Variants in HDAC9 observed in about 807,000 individuals in gnomAD.
HDAC9 encodes MEF-2 interacting transcription repressor (MITR) protein.
In HDAC9, 41 loss-of-function variants were observed where a neutral mutation model predicts 139.4. The ratio of observed to expected loss-of-function variants is 0.29; its 90% CI spans 0.23 to 0.38. The LOEUF (loss-of-function observed/expected upper bound fraction) is 0.38, where lower values mean the gene tolerates loss of function less well. Among genes scored for constraint, HDAC9 ranks in the 10% least tolerant of loss-of-function variants. The pLI is 1.00. For synonymous variants in HDAC9, 517 were observed against 476.2 expected (o/e 1.09, Z -1.12); for missense variants, 1,147 against 1,297.0 (o/e 0.88, Z 1.78).
chr7:18,313,516 T>C (rs757173748), intron 1 of HDAC9, among the ~76,000 whole-genome samples: 5 of 152,220 alleles, frequency 3.3e-5, no homozygotes, highest in Non-Finnish European at 7.4e-5. Flanking sequence ...TTAGTAAAGA[T>C]GTGGAACACA....
intron 1 of HDAC9, among the ~76,000 whole-genome samples, chr7:18,297,760 A>G (rs1693797412): frequency 6.6e-6 from 1 of 152,202 alleles, no homozygotes; most frequent in African/African-American, 2.4e-5. Flanking sequence ...TAAAAATGTG[A>G]CATCAACAAA....
At position 18,234,658 on chromosome 7, in the gene HDAC9, G is replaced by T. The variant is rs74479573; in HGVS notation, c.25+72309G>T. Among the ~76,000 whole-genome samples, 961 of 152,316 alleles carry T rather than the reference G, an allele frequency of 6.3e-3. 15 individuals carry two copies. The highest frequency in any genetic ancestry group is 0.022 in the African/African-American group (934 of 41,576). ...CCAAGTCTGTGTACTCCAGAGCCTG[G>T]CTCTTAACCAGCATGTCCTATTGTT... is the stretch of plus-strand genomic sequence containing the variant. On this transcript the variant is annotated intron_variant, in intron 2 of 12. Coordinates refer to the HDAC9 transcript ENST00000417496.
At chr7:18,803,919 C>A (rs1312881952) in intron 17 of HDAC9, among the ~76,000 whole-genome samples, 1 of 152,254 alleles carries the variant, frequency 6.6e-6, no homozygotes, top group Middle Eastern at 3.4e-3. Flanking sequence ...AAACATGTTT[C>A]AAGTACCTAT....
At chr7:18,158,784 C>T (rs1411616265) in intron 1 of HDAC9, among the ~76,000 whole-genome samples, 2 of 152,198 alleles carry the variant, frequency 1.3e-5, no homozygotes, top group African/African-American at 2.4e-5. Context: ...AAGACCACTA[C>T]GTATGATGTT....
At chr7:18,979,376 G>T (rs539834802) in intron 25 of HDAC9, among the ~76,000 whole-genome samples, 1 of 152,138 alleles carries the variant, frequency 6.6e-6, no homozygotes, top group South Asian at 2.1e-4. Flanking sequence ...TTAGAAACAT[G>T]ATTTTCCTCA....
At chr7:18,443,141 A>T (rs1791946542) in intron 1 of HDAC9, among the ~76,000 whole-genome samples, 1 of 152,214 alleles carries the variant, frequency 6.6e-6, no homozygotes, top group Admixed American at 6.5e-5. Flanking sequence ...ACTAGCCAGG[A>T]ATGGTGAAGA....
intron 12 of HDAC9, among the ~76,000 whole-genome samples, chr7:18,688,788 C>T (rs1425593828): frequency 6.6e-6 from 1 of 151,780 alleles, no homozygotes; most frequent in African/African-American, 2.4e-5. Flanking sequence ...AGGTCACTAG[C>T]TGAAAGGAAG....
chr7:18,705,870 A>AAAAAAAAAC (rs1562868596), intron 12 of HDAC9, among the ~76,000 whole-genome samples: 1 of 134,846 alleles, frequency 7.4e-6, no homozygotes, highest in African/African-American at 3.4e-5. Context: ...AAAATAAAAT[A>AAAAAAAAAC]AAATAAAATA....
At chr7:18,746,160 C>T (rs1310807424) in intron 13 of HDAC9, among the ~76,000 whole-genome samples, 3 of 151,992 alleles carry the variant, frequency 2.0e-5, no homozygotes, top group East Asian at 1.9e-4. Context: ...TGTAAGGCAC[C>T]GTACCTGGCC....
intron 2 of HDAC9, among the ~76,000 whole-genome samples, chr7:18,182,581 G>A (rs927938531): frequency 4.6e-5 from 7 of 152,202 alleles, no homozygotes; most frequent in Non-Finnish European, 8.8e-5. Flanking sequence ...GGCTTTCACT[G>A]CATTTTCTTT....
At chr7:18,877,580 C>G (rs1799415158) in intron 22 of HDAC9, among the ~76,000 whole-genome samples, 1 of 152,092 alleles carries the variant, frequency 6.6e-6, no homozygotes, top group South Asian at 2.1e-4. Flanking sequence ...GTCAGAGATG[C>G]TAAAATTATA....
chr7:18,253,487 A>AT (rs1562797587), intron 2 of HDAC9, among the ~76,000 whole-genome samples: 1 of 151,634 alleles, frequency 6.6e-6, no homozygotes, highest in Non-Finnish European at 1.5e-5. Flanking sequence ...TTTCATTTTC[A>AT]TTTTTCTAAT....
rs555926082 is a variant in HDAC9 at position 18,881,970 on chromosome 7, T to C, written c.2803+7374T>C. Reference sequence around the variant, plus strand: ...GATTAGGGTGAACACAGGGGAATACTATGCAGCATTAATTCTTCGAAGTAT... The same window carrying C: ...GATTAGGGTGAACACAGGGGAATACCATGCAGCATTAATTCTTCGAAGTAT... On this transcript the variant is annotated intron_variant, in intron 22 of 25. Coordinates refer to ENST00000686413, the MANE Select transcript of HDAC9 (RefSeq NM_178425.4). Among the ~76,000 whole-genome samples, 18 of 152,260 alleles carry C rather than the reference T, an allele frequency of 1.2e-4. No individual in the cohort carries two copies. The South Asian group carries it at 2.5e-3, about 21-fold the overall frequency.
intron 22 of HDAC9, among the ~76,000 whole-genome samples, chr7:18,912,582 T>G (rs775729805): frequency 3.3e-5 from 5 of 152,204 alleles, no homozygotes; most frequent in South Asian, 4.1e-4. Flanking sequence ...TGCCACAACT[T>G]GAAGGTCCCA....
intron 1 of HDAC9, among the ~76,000 whole-genome samples, chr7:18,483,569 T>A (rs1795744739): frequency 6.6e-6 from 1 of 152,160 alleles, no homozygotes; most frequent in Admixed American, 6.5e-5. Context: ...TGTTGTCTAA[T>A]GTGTCTTCTT....
At chr7:18,620,841 T>C (rs1345728488) in intron 6 of HDAC9, among the ~76,000 whole-genome samples, 1 of 152,212 alleles carries the variant, frequency 6.6e-6, no homozygotes, top group African/African-American at 2.4e-5. Context: ...GACCATTTTT[T>C]TTCCCGATAT....
intron 8 of HDAC9, among the ~76,000 whole-genome samples, chr7:18,639,639 C>A (rs1348399243): frequency 6.6e-6 from 1 of 151,920 alleles, no homozygotes; most frequent in African/African-American, 2.4e-5. Flanking sequence ...AAAATAAATA[C>A]AATCTTGAAA....
intron 1 of HDAC9, among the ~76,000 whole-genome samples, chr7:18,340,377 G>A (rs933553682): frequency 6.6e-6 from 1 of 151,316 alleles, no homozygotes; most frequent in African/African-American, 2.4e-5. Context: ...TTATTGATAT[G>A]GTTAGGTTTA....
intron 19 of HDAC9, among the ~76,000 whole-genome samples, chr7:18,831,404 C>A (rs1046262587): frequency 1.3e-5 from 2 of 152,126 alleles, no homozygotes; most frequent in African/African-American, 4.8e-5. Flanking sequence ...AAATCTGATA[C>A]GATTTATAAA....
Sources: gnomAD v4.1 joint callset for allele counts (sites outside exome capture counted in the v4.1 genomes callset) on GRCh38, gnomAD v4.1.1 for gene constraint, MANE v1.5 for transcripts, NCBI Gene and HGNC (gene_info 2026-07-23, HGNC 2026-07-21) for gene names.